The following CFAP54 variants were observed in gnomAD, a reference collection of about 807,000 sequenced individuals.
CFAP54 encodes the protein cilia and flagella associated protein 54.
CFAP54 carries 290 observed loss-of-function variants against 370.4 expected under a neutral mutation model. The observed-to-expected ratio is 0.78, with a 90% CI of 0.71 to 0.86. The LOEUF (loss-of-function observed/expected upper bound fraction) is 0.86. CFAP54 is among the 40% of genes least tolerant of loss of function. The probability of loss-of-function intolerance (pLI) is 0.00; values close to 1 mark genes in which losing one functional copy is unlikely to be tolerated. For missense variants in CFAP54, 3,399 were observed against 3,528.7 expected (o/e 0.96, Z 0.93); for synonymous variants, 1,206 against 1,236.5 (o/e 0.98, Z 0.52).
At chr12:96,706,917 A>T (rs1003413292) in intron 47 of CFAP54, among the ~76,000 whole-genome samples, 4 of 152,030 alleles carry the variant, frequency 2.6e-5, no homozygotes, top group African/African-American at 9.7e-5. Context: ...TGATTCTGTG[A>T]ATTTGGAGTT....
chr12:96,605,911 A>G (rs968708872), intron 26 of CFAP54, among the ~76,000 whole-genome samples: 14 of 152,208 alleles, frequency 9.2e-5, no homozygotes, highest in Non-Finnish European at 2.9e-5. Flanking sequence ...CCAAGCAGGT[A>G]AAATAATTGG....
chr12:96,777,435 C>T (rs990640501), intron 60 of CFAP54, among the ~76,000 whole-genome samples: 9 of 151,848 alleles, frequency 5.9e-5, no homozygotes, highest in East Asian at 1.9e-4. Context: ...CTGCAACCTC[C>T]GCCTCCCGGG....
intron 32 of CFAP54, among the ~76,000 whole-genome samples, chr12:96,634,723 TTTAAG>T (rs1956646357): frequency 1.3e-5 from 2 of 152,180 alleles, no homozygotes; most frequent in Non-Finnish European, 2.9e-5. Flanking sequence ...ATGTTTTCCA[TTTAAG>T]TTGTGATTCA....
chr12:96,702,828 A>T (rs557076556), intron 46 of CFAP54, among the ~76,000 whole-genome samples: 1 of 152,218 alleles, frequency 6.6e-6, no homozygotes, highest in Non-Finnish European at 1.5e-5. Context: ...TAAAGAAGGG[A>T]TTAATGAATT....
intron 17 of CFAP54, among the ~76,000 whole-genome samples, chr12:96,560,238 T>C (rs1157915093): frequency 6.6e-6 from 1 of 152,212 alleles, no homozygotes; most frequent in Non-Finnish European, 1.5e-5. Context: ...TCTAACAATA[T>C]GTTTGTACTC....
At chr12:96,679,860 C>A in intron 40 of CFAP54, 108 bp downstream of exon 40, 1 of 1,052,242 alleles carries the variant, frequency 9.5e-7, no homozygotes. Flanking sequence ...ACATGCAACA[C>A]TCCCTGATGC....
At chr12:96,695,987 T>A (rs1031625421) in intron 45 of CFAP54, among the ~76,000 whole-genome samples, 1 of 152,106 alleles carries the variant, frequency 6.6e-6, no homozygotes, top group African/African-American at 2.4e-5. Flanking sequence ...TCCAAATGAG[T>A]GTGATGAACA....
intron 29 of CFAP54, 77 bp from the exon 30 acceptor site, chr12:96,626,736 C>T: frequency 1.3e-6 from 1 of 794,512 alleles, no homozygotes; most frequent in Non-Finnish European, 1.7e-6. Flanking sequence ...AACAAAATGA[C>T]TGCTAGCACT....
chr12:96,535,222 A>G (rs1203473401), intron 11 of CFAP54, among the ~76,000 whole-genome samples: 1 of 151,620 alleles, frequency 6.6e-6, no homozygotes, highest in Non-Finnish European at 1.5e-5. Context: ...GCTAATTTTT[A>G]TGTTTTTAGT....
intron 44 of CFAP54, among the ~76,000 whole-genome samples, chr12:96,692,608 G>A (rs1470432781): frequency 6.6e-6 from 1 of 152,180 alleles, no homozygotes; most frequent in African/African-American, 2.4e-5. Flanking sequence ...ATAGAAAAAT[G>A]TATTGTATTA....
intron 5 of CFAP54, among the ~76,000 whole-genome samples, chr12:96,515,289 C>T (rs999626295): frequency 4.0e-5 from 6 of 151,352 alleles, no homozygotes; most frequent in African/African-American, 7.3e-5. Context: ...GGATTACAGG[C>T]GTGAGCCACG....
chr12:96,839,049 A>G lies in CFAP54; in HGVS notation c.9171+9961A>G, dbSNP rs1320727259. ...ATTCAAATGGAGGGGCTAGATTAAT[A>G]TGTCCCTGAGAGAGAGTTAGAACCC... On this transcript the variant is annotated intron_variant, in intron 66 of 67. Coordinates refer to ENST00000524981, the MANE Select transcript of CFAP54 (RefSeq NM_001306084.2). 2.0e-5 allele frequency among the ~76,000 whole-genome samples: 3 copies of G among 152,152 alleles called. No homozygotes were observed. The East Asian group carries it at 5.8e-4, about 29-fold the overall frequency.
chr12:96,643,824 A>G (rs1956761235), intron 32 of CFAP54, among the ~76,000 whole-genome samples: 1 of 152,154 alleles, frequency 6.6e-6, no homozygotes, highest in South Asian at 2.1e-4. Flanking sequence ...CTTGTTTAAT[A>G]TTGAATTTAG....
chr12:96,535,175 G>T (rs11614187), intron 11 of CFAP54, among the ~76,000 whole-genome samples: 5 of 151,586 alleles, frequency 3.3e-5, no homozygotes, highest in Non-Finnish European at 7.4e-5. Context: ...TCAGCCTCCC[G>T]AGTAGCTAGG....
chr12:96,768,916 G>A (rs1958428407), intron 60 of CFAP54, among the ~76,000 whole-genome samples: 2 of 152,122 alleles, frequency 1.3e-5, no homozygotes, highest in Admixed American at 6.5e-5. Context: ...GATGACAGGA[G>A]CATTATGACA....
At chr12:96,679,157 A>T (rs2136546568) in intron 39 of CFAP54, among the ~76,000 whole-genome samples, 1 of 152,164 alleles carries the variant, frequency 6.6e-6, no homozygotes, top group East Asian at 1.9e-4. Context: ...CAGTATTAGG[A>T]ATCTGTCTTT....
chr12:96,853,787 G>C lies in CFAP54; in HGVS notation c.9172-7032G>C, dbSNP rs535171727. On this transcript the variant is annotated intron_variant, in intron 66 of 67. Transcript: ENST00000524981. ...AACCAACAAGGATTAATAACTCCTG[G>C]GTGACAACTGCTTTATTTTATCTTT... Among the ~76,000 whole-genome samples the C allele has an allele frequency of 1.5e-3, 221 of 152,114 alleles. 1 individual carries two copies. Among genetic ancestry groups the C allele is most frequent in the African/African-American group, 5.0e-3 (207 of 41,498 alleles).
At chr12:96,493,580 C>T (rs143833584) in intron 1 of CFAP54, among the ~76,000 whole-genome samples, 1,544 of 152,200 alleles carry the variant, frequency 0.01, 83 homozygotes, top group Admixed American at 0.083. Flanking sequence ...GGCTGGATCA[C>T]GAGGTCAGGT....
At chr12:96,549,701 T>C (rs1434554423) in intron 15 of CFAP54, among the ~76,000 whole-genome samples, 2 of 152,248 alleles carry the variant, frequency 1.3e-5, no homozygotes, top group Non-Finnish European at 2.9e-5. Flanking sequence ...AAAATTATAA[T>C]AGTACCTATT....
Sources: gnomAD v4.1 joint callset for allele counts (sites outside exome capture counted in the v4.1 genomes callset) on GRCh38, gnomAD v4.1.1 for gene constraint, MANE v1.5 for transcripts, NCBI Gene and HGNC (gene_info 2026-07-23, HGNC 2026-07-21) for gene names.